Variants in GALNT13 observed in about 807,000 individuals in gnomAD.
GALNT13 encodes UDP-GalNAc:polypeptide N-acetylgalactosaminyltransferase 13.
A neutral mutation model predicts 64.2 loss-of-function variants in GALNT13; 28 were observed. The ratio of observed to expected loss-of-function variants is 0.44; its 90% confidence interval spans 0.32 to 0.60. The LOEUF (loss-of-function observed/expected upper bound fraction) is 0.60. Among genes scored for constraint, GALNT13 ranks in the 20% least tolerant of loss-of-function variants. GALNT13 has a pLI of 0.05. For synonymous variants in GALNT13, 214 were observed against 224.6 expected, an observed-to-expected ratio of 0.95 and a Z score of 0.42; for missense variants, 577 against 669.8, an observed-to-expected ratio of 0.86 and a Z score of 1.53.
chr2:154,372,014 T>C (rs1208147799), intron 9 of GALNT13, among the ~76,000 whole-genome samples: 1 of 152,064 alleles, frequency 6.6e-6, no homozygotes, highest in Non-Finnish European at 1.5e-5. Context: ...TAAACTGATA[T>C]TCAATGAGTT....
chr2:153,444,013 TA>T, the GALNT13 span, among the ~76,000 whole-genome samples: 1 of 152,338 alleles, frequency 6.6e-6, no homozygotes, highest in African/African-American at 2.4e-5. Context: ...CCTATAATTC[TA>T]TAATTTATCT....
chr2:153,620,309 A>C, the GALNT13 span, among the ~76,000 whole-genome samples: 3 of 151,890 alleles, frequency 2.0e-5, no homozygotes, highest in African/African-American at 7.3e-5. Context: ...TTTTTAGTAG[A>C]GATAGAATCT....
chr2:153,917,356 A>G (rs1689431791), intron 2 of GALNT13, among the ~76,000 whole-genome samples: 1 of 152,174 alleles, frequency 6.6e-6, no homozygotes, highest in South Asian at 2.1e-4. Flanking sequence ...ATATAGAATC[A>G]GGAACACACA....
At chr2:153,516,392 ATTAGGAG>A in the GALNT13 span, among the ~76,000 whole-genome samples, 49 of 152,280 alleles carry the variant, frequency 3.2e-4, no homozygotes, top group Admixed American at 5.2e-4. Context: ...GAACTGACCA[ATTAGGAG>A]TTAGGAGACT....
intron 10 of GALNT13, among the ~76,000 whole-genome samples, chr2:154,402,182 A>G (rs1699330710): frequency 6.6e-6 from 1 of 152,224 alleles, no homozygotes; most frequent in Non-Finnish European, 1.5e-5. Context: ...GTTTAAGTTT[A>G]GACTGTCTTA....
the GALNT13 span, among the ~76,000 whole-genome samples, chr2:153,236,121 A>G: frequency 6.6e-6 from 1 of 152,116 alleles, no homozygotes; most frequent in South Asian, 2.1e-4. Context: ...CAAGGCCTTA[A>G]CTCTCTTCAG....
chr2:154,030,982 G>GA (rs1378421911), intron 3 of GALNT13, among the ~76,000 whole-genome samples: 3 of 152,088 alleles, frequency 2.0e-5, no homozygotes, highest in Non-Finnish European at 4.4e-5. Flanking sequence ...GAAGGGCGCT[G>GA]AAAATAAAAT....
At chr2:153,336,563 G>A in the GALNT13 span, among the ~76,000 whole-genome samples, 2 of 152,100 alleles carry the variant, frequency 1.3e-5, no homozygotes. Context: ...TGGAACTTCT[G>A]TATTTACCTA....
chr2:153,184,132 T>C, the GALNT13 span, among the ~76,000 whole-genome samples: 4 of 152,326 alleles, frequency 2.6e-5, no homozygotes, highest in South Asian at 4.1e-4. Flanking sequence ...TTTGTTTGTG[T>C]ACTTCTGATT....
chr2:154,335,637 T>A (rs569212475), intron 9 of GALNT13, among the ~76,000 whole-genome samples: 55 of 152,154 alleles, frequency 3.6e-4, no homozygotes, highest in African/African-American at 1.3e-3. Flanking sequence ...ACAACGTATA[T>A]ACATTGAACA....
chr2:153,396,541 G>A, the GALNT13 span, among the ~76,000 whole-genome samples: 7 of 151,720 alleles, frequency 4.6e-5, no homozygotes, highest in South Asian at 2.1e-4. Context: ...TGTTTTCTGC[G>A]CAATGTAATG....
At chr2:153,118,181 A>G in the GALNT13 span, among the ~76,000 whole-genome samples, 6 of 150,486 alleles carry the variant, frequency 4.0e-5, no homozygotes, top group East Asian at 2.0e-4. Context: ...CCTTCTTTAC[A>G]AAAGAAAAGT....
At chr2:154,307,623 A>C (rs1273574898) in intron 9 of GALNT13, among the ~76,000 whole-genome samples, 1 of 151,508 alleles carries the variant, frequency 6.6e-6, no homozygotes, top group Admixed American at 6.6e-5. Flanking sequence ...TTTTTTTCAC[A>C]TTTGTTTAGT....
At chr2:153,467,239 C>T in the GALNT13 span, among the ~76,000 whole-genome samples, 3 of 151,968 alleles carry the variant, frequency 2.0e-5, no homozygotes, top group East Asian at 1.9e-4. Flanking sequence ...TATAATTGGA[C>T]AAGTTGAGGC....
chr2:154,391,045 T>C (rs1177577194), intron 9 of GALNT13, among the ~76,000 whole-genome samples: 1 of 152,214 alleles, frequency 6.6e-6, no homozygotes, highest in African/African-American at 2.4e-5. Flanking sequence ...CTGCTGTCTA[T>C]CTTTAGATAG....
At chr2:153,571,622 T>C in the GALNT13 span, among the ~76,000 whole-genome samples, 1 of 151,986 alleles carries the variant, frequency 6.6e-6, no homozygotes, top group Non-Finnish European at 1.5e-5. Context: ...CATATGTTCC[T>C]TCTATACCCA....
intron 4 of GALNT13, among the ~76,000 whole-genome samples, chr2:154,164,755 A>G (rs1037695953): frequency 1.3e-5 from 2 of 152,100 alleles, no homozygotes; most frequent in Non-Finnish European, 2.9e-5. Context: ...TGATTATAGA[A>G]TGAATATTTG....
At chr2:153,519,935 T>C in the GALNT13 span, among the ~76,000 whole-genome samples, 1 of 152,174 alleles carries the variant, frequency 6.6e-6, no homozygotes. Flanking sequence ...CAGCATATAA[T>C]GTGGCCTGAA....
At chr2:154,149,739 G>A (rs1471317838) in intron 4 of GALNT13, among the ~76,000 whole-genome samples, 2 of 152,022 alleles carry the variant, frequency 1.3e-5, no homozygotes, top group Admixed American at 6.6e-5. Context: ...GTCTGTTATT[G>A]GTGTATAAGA....
Sources: allele counts gnomAD v4.1 joint callset (sites outside exome capture counted in the v4.1 genomes callset), GRCh38; gene constraint gnomAD v4.1.1; transcripts MANE v1.5; gene names NCBI Gene and HGNC (gene_info 2026-07-23, HGNC 2026-07-21).